Variants in KCND2 observed in about 807,000 individuals in gnomAD.
The protein encoded by KCND2 is potassium voltage-gated channel subfamily D member 2, also known as A-type voltage-gated potassium channel KCND2.
A neutral mutation model predicts 54.4 loss-of-function variants in KCND2; 16 were observed. The ratio of observed to expected loss-of-function variants is 0.29; its 90% confidence interval spans 0.20 to 0.45. The LOEUF is 0.45. Ranked by LOEUF, KCND2 falls within the 20% of genes least tolerant of loss-of-function variation. The probability of loss-of-function intolerance (pLI) is 1.00; values close to 1 mark genes in which losing one functional copy is unlikely to be tolerated. For synonymous variants in KCND2, 317 were observed against 310.7 expected, an observed-to-expected ratio of 1.02 and a Z score of -0.21; for missense variants, 486 against 824.2, an observed-to-expected ratio of 0.59 and a Z score of 5.02.
In KCND2 at chr7:120,633,619, CA is replaced by C. The variant is rs139061955; in HGVS notation, c.1116-99283del. On this transcript the variant is annotated intron_variant, in intron 1 of 5. Transcript: ENST00000331113. ...AAAACCTGTGGTTGTTAATATTCCC[CA>C]TTTTACAGATGAGGAAACTGGGATT... 2.4e-3 allele frequency among the ~76,000 whole-genome samples: 363 copies of C among 152,264 alleles called. 9 individuals carry two copies. In the East Asian group the frequency reaches 0.044, roughly 18 times the overall value.
intron 1 of KCND2, among the ~76,000 whole-genome samples, chr7:120,367,302 T>C (rs889251625): frequency 1.3e-5 from 2 of 152,096 alleles, no homozygotes; most frequent in South Asian, 2.1e-4. Flanking sequence ...AAATGATCTA[T>C]GTATGAGGTT....
chr7:120,712,061 C>T lies in KCND2; in HGVS notation c.1116-20842C>T, dbSNP rs80240212. Among the ~76,000 whole-genome samples, 243 of 151,004 alleles carry T rather than the reference C, an allele frequency of 1.6e-3. 7 individuals are homozygous for T. The East Asian group carries it at 0.043, about 27-fold the overall frequency. ...AAAGATGAAGAGGAGCTGACTTGAT[C>T]GGTCCTAGCTGATGTTCCTTGTCCT... is the stretch of plus-strand genomic sequence containing the variant. On this transcript the variant is annotated intron_variant, in intron 1 of 5. Transcript: ENST00000331113.
At chr7:120,582,015 A>G (rs553418271) in intron 1 of KCND2, among the ~76,000 whole-genome samples, 6 of 152,238 alleles carry the variant, frequency 3.9e-5, no homozygotes, top group East Asian at 1.9e-4. Context: ...CACCGGGCCA[A>G]TCTTAACAAT....
chr7:120,610,618 C>T (rs528775823), intron 1 of KCND2, among the ~76,000 whole-genome samples: 2 of 152,150 alleles, frequency 1.3e-5, no homozygotes, highest in African/African-American at 4.8e-5. Flanking sequence ...CAGACTTGTA[C>T]AAGGTCCTAG....
intron 1 of KCND2, among the ~76,000 whole-genome samples, chr7:120,523,706 G>GACAC (rs1562863248): frequency 8.0e-5 from 3 of 37,490 alleles, no homozygotes; most frequent in African/African-American, 3.4e-4. Flanking sequence ...CACACACTCT[G>GACAC]TGTGTGTGTG....
chr7:120,712,380 C>A (rs928380346), intron 1 of KCND2, among the ~76,000 whole-genome samples: 24 of 147,174 alleles, frequency 1.6e-4, no homozygotes, highest in Non-Finnish European at 3.1e-4. Flanking sequence ...TCTCCTGCCT[C>A]AGCTTCCCAA....
At chr7:120,394,552 A>G (rs950497544) in intron 1 of KCND2, among the ~76,000 whole-genome samples, 5 of 152,050 alleles carry the variant, frequency 3.3e-5, no homozygotes, top group African/African-American at 1.2e-4. Context: ...GGACCCTCCC[A>G]TAATCCTAAT....
At chr7:120,626,913 G>T (rs1370283425) in intron 1 of KCND2, among the ~76,000 whole-genome samples, 1 of 152,160 alleles carries the variant, frequency 6.6e-6, no homozygotes, top group African/African-American at 2.4e-5. Flanking sequence ...AAATCCTCGG[G>T]CCTGTTTTCT....
At chr7:120,703,287 T>G (rs994265500) in intron 1 of KCND2, among the ~76,000 whole-genome samples, 6 of 152,164 alleles carry the variant, frequency 3.9e-5, no homozygotes, top group Non-Finnish European at 7.4e-5. Flanking sequence ...GCAATTTCCT[T>G]TGGGAATTAT....
At chr7:120,314,743 A>G (rs1799788432) in intron 1 of KCND2, among the ~76,000 whole-genome samples, 1 of 152,204 alleles carries the variant, frequency 6.6e-6, no homozygotes, top group Non-Finnish European at 1.5e-5. Context: ...ATGGTAGTCC[A>G]TTGTCAAGAT....
In KCND2 at chr7:120,438,028, A is replaced by G. The variant is rs147108889; in HGVS notation, c.1115+162281A>G. On this transcript the variant is annotated intron_variant, in intron 1 of 5. Coordinates refer to ENST00000331113, the MANE Select transcript of KCND2 (RefSeq NM_012281.3). ...GGAAAGTTTGGCTTTTATTTTGGTC[A>G]TTGAAGTTAAGGCACATGCTTTGGA... is the stretch of plus-strand genomic sequence containing the variant. Among the ~76,000 whole-genome samples the G allele has an allele frequency of 5.9e-3, 898 of 152,310 alleles. 5 individuals carry two copies. The highest frequency in any genetic ancestry group is 9.2e-3 in the Non-Finnish European group (625 of 68,026).
intron 1 of KCND2, among the ~76,000 whole-genome samples, chr7:120,612,017 C>A (rs1792962420): frequency 6.6e-6 from 1 of 152,170 alleles, no homozygotes; most frequent in Non-Finnish European, 1.5e-5. Context: ...TGCACTTAAT[C>A]CAAAATGAAT....
At chr7:120,737,020 A>T (rs577166512) in intron 2 of KCND2, among the ~76,000 whole-genome samples, 1 of 144,250 alleles carries the variant, frequency 6.9e-6, no homozygotes, top group Non-Finnish European at 1.5e-5. Flanking sequence ...ATTCATTAGA[A>T]TCATCTGGAA....
chr7:120,562,722 T>A (rs907406999), intron 1 of KCND2, among the ~76,000 whole-genome samples: 1 of 152,186 alleles, frequency 6.6e-6, no homozygotes, highest in Non-Finnish European at 1.5e-5. Context: ...TAAAAAAGTA[T>A]GTTGCAAACC....
chr7:120,321,881 G>A (rs899919956), intron 1 of KCND2, among the ~76,000 whole-genome samples: 1 of 151,980 alleles, frequency 6.6e-6, no homozygotes, highest in Admixed American at 6.6e-5. Flanking sequence ...TGAATACTCC[G>A]TATAACATTC....
Position 120,623,516 on chromosome 7 carries a change from A to C in KCND2, c.1116-109387A>C, listed in dbSNP as rs532690602. On this transcript the variant is annotated intron_variant, in intron 1 of 5. Coordinates refer to ENST00000331113, the MANE Select transcript of KCND2 (RefSeq NM_012281.3). ...CTTCATACCTAGGGATCTTGCTACC[A>C]TAAGATTTGATTTTGGCTTAGCAGT... Among the ~76,000 whole-genome samples, 4 of 152,308 alleles carry C rather than the reference A, an allele frequency of 2.6e-5. No homozygotes were observed. In the South Asian group the frequency reaches 6.2e-4, roughly 24 times the overall value.
chr7:120,694,370 C>T lies in KCND2; in HGVS notation c.1116-38533C>T, dbSNP rs565533055. 1.2e-4 allele frequency among the ~76,000 whole-genome samples: 18 copies of T among 152,154 alleles called. No homozygotes were observed. In the East Asian group the frequency reaches 3.3e-3, roughly 28 times the overall value. ...TGTCATGTGCATGTAGACTGTATAG[C>T]GTGGCACCTGGGTTTAATTAAGACA... On this transcript the variant is annotated intron_variant, in intron 1 of 5. Transcript: ENST00000331113.
chr7:120,595,080 G>A (rs1267841066), intron 1 of KCND2, among the ~76,000 whole-genome samples: 1 of 151,600 alleles, frequency 6.6e-6, no homozygotes, highest in Admixed American at 6.6e-5. Flanking sequence ...TAAGTACCTA[G>A]CATTAGCTCT....
At chr7:120,419,374 AAAG>A (rs1801575448) in intron 1 of KCND2, among the ~76,000 whole-genome samples, 1 of 152,214 alleles carries the variant, frequency 6.6e-6, no homozygotes, top group African/African-American at 2.4e-5. Context: ...TGGTCAAAGA[AAAG>A]AAAATCCTTT....
Sources: gnomAD v4.1 joint callset for allele counts (sites outside exome capture counted in the v4.1 genomes callset) on GRCh38, gnomAD v4.1.1 for gene constraint, MANE v1.5 for transcripts, NCBI Gene and HGNC (gene_info 2026-07-23, HGNC 2026-07-21) for gene names.